The following COG4 variants were observed in gnomAD, a reference collection of about 807,000 sequenced individuals.
COG4 encodes the protein component of oligomeric golgi complex 4, also known as conserved oligomeric Golgi complex subunit 4.
COG4 carries 65 observed loss-of-function variants against 95.1 expected under a neutral mutation model. The ratio of observed to expected loss-of-function variants is 0.68; its 90% CI spans 0.56 to 0.84. The LOEUF (loss-of-function observed/expected upper bound fraction) is 0.84. Ranked by LOEUF, COG4 falls within the 40% of genes least tolerant of loss-of-function variation. The probability of loss-of-function intolerance (pLI) is 0.00; values close to 1 mark genes in which losing one functional copy is unlikely to be tolerated. For synonymous variants in COG4, 421 were observed against 374.8 expected (o/e 1.12, Z -1.42); for missense variants, 1,045 against 989.1 (o/e 1.06, Z -0.76).
intron 8 of COG4, among the ~76,000 whole-genome samples, chr16:70,506,407 A>T (rs2049567947): frequency 6.6e-6 from 1 of 150,642 alleles, no homozygotes; most frequent in Non-Finnish European, 1.5e-5. Flanking sequence ...CGTCTAAATT[A>T]AAAAAAACCT....
intron 13 of COG4, among the ~76,000 whole-genome samples, chr16:70,486,176 T>G (rs1054478501): frequency 9.2e-5 from 14 of 152,216 alleles, no homozygotes; most frequent in African/African-American, 3.4e-4. Flanking sequence ...ATTACAGGCG[T>G]GAGCCACCGC....
In COG4 at chr16:70,480,996, G is replaced by A; in HGVS notation, c.*14C>T. 6.2e-7 allele frequency: 1 copy of A among 1,611,520 alleles called. No individual in the cohort carries two copies. Among genetic ancestry groups the A allele is most frequent in the African/African-American group, 1.3e-5 (1 of 75,012 alleles). On this transcript the variant is annotated 3_prime_UTR_variant, in exon 19 of 19. Transcript: ENST00000323786. The stretch of plus-strand genomic sequence containing the variant: ...CCTGCAAGTGTGATGAGCCAGGTGT[G>A]CTCATCCAGGCAGCTACAGGCGCAG...
intron 13 of COG4, among the ~76,000 whole-genome samples, chr16:70,484,736 A>G (rs182328371): frequency 3.3e-5 from 5 of 152,238 alleles, no homozygotes; most frequent in African/African-American, 1.2e-4. Context: ...CCGTCTCCAC[A>G]GAAAATTAAA....
intron 3 of COG4, among the ~76,000 whole-genome samples, chr16:70,517,228 G>C (rs766844915): frequency 3.9e-5 from 6 of 152,050 alleles, no homozygotes; most frequent in Non-Finnish European, 7.4e-5. Flanking sequence ...GTAGTTAGTA[G>C]AGGGCAGTAA....
chr16:70,482,377 A>G (rs954094750), intron 15 of COG4: 3 of 646,770 alleles, frequency 4.6e-6, no homozygotes, highest in East Asian at 5.4e-5. Context: ...GCAGTGGCCC[A>G]CATAACATGG....
chr16:70,491,102 G>A (rs938032586), intron 12 of COG4, among the ~76,000 whole-genome samples: 3 of 152,126 alleles, frequency 2.0e-5, no homozygotes, highest in Non-Finnish European at 4.4e-5. Flanking sequence ...AAAGCTTCCA[G>A]AGAGCCTGCC....
intron 8 of COG4, among the ~76,000 whole-genome samples, chr16:70,503,689 G>C (rs1198934575): frequency 8.0e-6 from 1 of 124,238 alleles, no homozygotes; most frequent in Non-Finnish European, 1.5e-5. Context: ...CCGCCTCTTG[G>C]GTTCATGCCA....
At chr16:70,514,608 T>C (rs868596506) in intron 3 of COG4, 99 bp from the exon 4 acceptor site, 3 of 965,288 alleles carry the variant, frequency 3.1e-6, no homozygotes, top group Non-Finnish European at 1.6e-6. Flanking sequence ...ATCAACCATA[T>C]GTCAATAGCA....
rs1168159771 is a variant in COG4, at chr16:70,519,209, C to T, written c.254+440G>A. 1.0e-4 allele frequency among the ~76,000 whole-genome samples: 4 copies of T among 38,868 alleles called. 2 individuals carry two copies. Among genetic ancestry groups the T allele is most frequent in the Non-Finnish European group, 1.6e-4 (4 of 25,012 alleles). The allele number at this position is 38,868 out of a possible 152,430, so 25.5% of individuals were successfully genotyped here. On this transcript the variant is annotated intron_variant, in intron 2 of 18. Transcript: ENST00000323786. ...TGGCGCAATCTCGGCTCATTGCAAG[C>T]TCCGCTTCCCCGGGTTCACGCCATT... is the stretch of plus-strand genomic sequence containing the variant.
At chr16:70,518,696 G>T (rs1056598852) in intron 2 of COG4, among the ~76,000 whole-genome samples, 1 of 151,918 alleles carries the variant, frequency 6.6e-6, no homozygotes, top group Admixed American at 6.6e-5. Context: ...GGTGGTTCTC[G>T]GCCGGGCATG....
chr16:70,519,716 C>T lies in COG4; in HGVS notation c.187G>A (p.Glu63Lys), dbSNP rs2151765600. Residue 63 changes from glutamate (E) to lysine (K), a missense_variant, in exon 2 of 19, where the codon GAG becomes AAG. Coordinates refer to ENST00000323786, the MANE Select transcript of COG4 (RefSeq NM_015386.3). ...TGCTGTTCCAAAAGAGCATCCAGCT[C>T]TCTCTCCACCACTTTCTGAAACACA... ...LCGEEKVVER[E>K]LDALLEQQNT... is the part of the protein sequence containing the mutation. 1 of 1,613,508 alleles carries T rather than the reference C, an allele frequency of 6.2e-7. No homozygotes were observed. The highest frequency in any genetic ancestry group is 8.5e-7 in the Non-Finnish European group (1 of 1,179,554).
At chr16:70,514,560 C>G in intron 3 of COG4, 51 bp from the exon 4 acceptor site, 1 of 1,539,076 alleles carries the variant, frequency 6.5e-7, no homozygotes, top group Non-Finnish European at 9.0e-7. Context: ...TTCAAAAACA[C>G]CCCTCAAGAA....
At chr16:70,523,333 C>T (rs1597699161) in intron 1 of COG4, 40 bp downstream of exon 1, 6 of 1,612,904 alleles carry the variant, frequency 3.7e-6, no homozygotes, top group Non-Finnish European at 5.1e-6. Flanking sequence ...TCCCACTCTC[C>T]CTAGATCCTC....
At chr16:70,512,004 G>A (rs2049716751) in intron 5 of COG4, among the ~76,000 whole-genome samples, 1 of 149,394 alleles carries the variant, frequency 6.7e-6, no homozygotes, top group Non-Finnish European at 1.5e-5. Flanking sequence ...CGCCTGGTCT[G>A]TTGGAAATGA....
rs2048974673 is a variant in COG4 at position 70,480,857 on chromosome 16, TG to T, written c.*152del. 2 of 847,556 alleles carry T rather than the reference TG, an allele frequency of 2.4e-6. No homozygotes were observed. Among genetic ancestry groups the T allele is most frequent in the Non-Finnish European group, 3.8e-6 (2 of 526,024 alleles). The allele number at this position is 847,556 out of a possible 1,614,324, so 52.5% of individuals were successfully genotyped here. A position where few individuals can be genotyped will look rare whatever the true frequency, so the allele number is the denominator to read the frequency against. On this transcript the variant is annotated 3_prime_UTR_variant, in exon 19 of 19. Coordinates refer to ENST00000323786, the MANE Select transcript of COG4 (RefSeq NM_015386.3). ...CCAGGTCTGAGGGCAGAGCATGGAG[TG>T]GGTCCAGACTTTGTTTCTCTGCTGC...
Position 70,481,412 on chromosome 16 carries a change from G to A in COG4, c.2182C>T (p.Arg728Ter), listed in dbSNP as rs1448610560. ...YLTTVTTWTI[R>*]DKFARLSQMA... ...TGGGAGAGCCGGGCAAACTTGTCTC[G>A]GATGGTCCAGGTGGTCACCGTGGTA... Residue 728 changes from arginine to a stop codon, truncating the protein, a stop_gained, in exon 18 of 19, where the codon CGA becomes TGA. Coordinates refer to ENST00000323786, the MANE Select transcript of COG4 (RefSeq NM_015386.3). LOFTEE classifies it high-confidence loss of function. The A allele has an allele frequency of 4.3e-6, 7 of 1,613,174 alleles. No individual in the cohort carries two copies. The highest frequency in any genetic ancestry group is 2.2e-5 in the South Asian group (2 of 91,080).
At position 70,481,635 on chromosome 16, in the gene COG4, G is replaced by A. The variant is rs2048994740; in HGVS notation, c.2106+129C>T. 3.6e-6 allele frequency: 5 copies of A among 1,382,928 alleles called. No homozygotes were observed. The South Asian group carries it at 6.0e-5, about 16-fold the overall frequency. 85.7% of individuals were successfully genotyped at this position (1,382,928 alleles called of 1,614,324 possible). A position where few individuals can be genotyped will look rare whatever the true frequency, so the allele number is the denominator to read the frequency against. On this transcript the variant is annotated intron_variant, in intron 17 of 18. Transcript: ENST00000323786. ...CTCTACGGCTTCAGAAGCCAGAGCA[G>A]GACTGGACCCAGACATGCAGGGCCT...
At chr16:70,506,199 C>T (rs906690564) in intron 8 of COG4, among the ~76,000 whole-genome samples, 17 of 151,626 alleles carry the variant, frequency 1.1e-4, no homozygotes, top group African/African-American at 1.9e-4. Flanking sequence ...AGATCGAGTC[C>T]GTCCTGGCTA....
chr16:70,482,296 C>CATGTCTCCACCTTG, intron 15 of COG4, 121 bp from the exon 16 acceptor site: 1 of 760,706 alleles, frequency 1.3e-6, no homozygotes. Flanking sequence ...TGCCTTCTGA[C>CATGTCTCCACCTTG]TCATCTAGTT....
Sources: gnomAD v4.1 joint callset for allele counts (sites outside exome capture counted in the v4.1 genomes callset) on GRCh38, gnomAD v4.1.1 for gene constraint, MANE v1.5 for transcripts, NCBI Gene and HGNC (gene_info 2026-07-23, HGNC 2026-07-21) for gene names.